Variants in GSTCD observed in about 807,000 individuals in gnomAD.
GSTCD encodes glutathione S-transferase C-terminal domain-containing protein.
In GSTCD, 44 loss-of-function variants were observed where a neutral mutation model predicts 68.3. That is an observed-to-expected ratio of 0.64 (90% CI 0.51 to 0.83). GSTCD has a LOEUF of 0.83. Among genes scored for constraint, GSTCD ranks in the 40% least tolerant of loss-of-function variants. The probability of loss-of-function intolerance (pLI) is 0.00; values close to 1 mark genes in which losing one functional copy is unlikely to be tolerated. For missense variants in GSTCD, 739 were observed against 735.9 expected, an observed-to-expected ratio of 1.00 and a Z score of -0.05; for synonymous variants, 273 against 255.2, an observed-to-expected ratio of 1.07 and a Z score of -0.67.
At chr4:105,844,326 C>T (rs1247526531) in intron 11 of GSTCD, among the ~76,000 whole-genome samples, 1 of 152,164 alleles carries the variant, frequency 6.6e-6, no homozygotes, top group Non-Finnish European at 1.5e-5. Context: ...ATGATTTTGC[C>T]TAAATGGAAT....
chr4:105,803,305 G>A (rs1316496679), intron 5 of GSTCD, among the ~76,000 whole-genome samples: 1 of 151,994 alleles, frequency 6.6e-6, no homozygotes, highest in Non-Finnish European at 1.5e-5. Flanking sequence ...ATTGAATGTA[G>A]AAAATGTTAA....
chr4:105,717,479 A>G (rs981380594), intron 1 of GSTCD, 114 bp from the exon 2 acceptor site: 81 of 674,422 alleles, frequency 1.2e-4, no homozygotes, highest in Non-Finnish European at 1.9e-4. Context: ...TAGCATTATT[A>G]TCTACTGCAA....
intron 5 of GSTCD, among the ~76,000 whole-genome samples, chr4:105,805,707 TA>T (rs2149264032): frequency 6.6e-6 from 1 of 152,224 alleles, no homozygotes; most frequent in African/African-American, 2.4e-5. Context: ...AGGAAGGGAT[TA>T]AAAAACTGGC....
chr4:105,732,135 G>A (rs2149214148), intron 5 of GSTCD, among the ~76,000 whole-genome samples: 1 of 152,326 alleles, frequency 6.6e-6, no homozygotes, highest in Non-Finnish European at 1.5e-5. Flanking sequence ...GTTCATCAGG[G>A]ATATTGGTCT....
At position 105,734,614 on chromosome 4, in the gene GSTCD, T is replaced by C. The variant is rs138915736; in HGVS notation, c.1240+5115T>C. On this transcript the variant is annotated intron_variant, in intron 5 of 11. Coordinates refer to ENST00000515279, the MANE Select transcript of GSTCD (RefSeq NM_001370181.1). ...TAATCTTTTTGCAACGTTTTTAGCT[T>C]CTTTGCAATGGGTTCCTCCTTTAGC... Among the ~76,000 whole-genome samples, 368 of 152,308 alleles carry C rather than the reference T, an allele frequency of 2.4e-3. 2 individuals are homozygous for C. The highest frequency in any genetic ancestry group is 8.2e-3 in the African/African-American group (342 of 41,566).
chr4:105,801,611 T>C (rs1056280625), intron 5 of GSTCD, among the ~76,000 whole-genome samples: 2 of 152,030 alleles, frequency 1.3e-5, no homozygotes, highest in African/African-American at 4.8e-5. Context: ...GTAACATGAC[T>C]TCTGTATAAA....
chr4:105,845,773 T>A lies in GSTCD; in HGVS notation c.*196T>A. The A allele has an allele frequency of 3.5e-6, 2 of 564,256 alleles. No homozygotes were observed. Among genetic ancestry groups the A allele is most frequent in the Non-Finnish European group, 6.3e-6 (2 of 318,678 alleles). 35.0% of individuals were successfully genotyped at this position (564,256 alleles called of 1,614,324 possible). ...TCACAAATGCTTTACAATGTGTGAT[T>A]AAAGGACTGCTGGTTTTTATAGTGA... On this transcript the variant is annotated 3_prime_UTR_variant, in exon 12 of 12. Transcript: ENST00000515279.
At chr4:105,817,493 G>GA (rs1454966159) in intron 5 of GSTCD, among the ~76,000 whole-genome samples, 2 of 151,846 alleles carry the variant, frequency 1.3e-5, no homozygotes, top group Non-Finnish European at 2.9e-5. Context: ...GTGAATGGGG[G>GA]AGAGTATCAG....
At chr4:105,764,351 A>G (rs142097963) in intron 5 of GSTCD, among the ~76,000 whole-genome samples, 29 of 152,304 alleles carry the variant, frequency 1.9e-4, no homozygotes, top group African/African-American at 6.7e-4. Context: ...ACTTATTTTA[A>G]ACTCTGTAAG....
intron 9 of GSTCD, among the ~76,000 whole-genome samples, chr4:105,835,430 G>T (rs1724073992): frequency 6.6e-6 from 1 of 152,154 alleles, no homozygotes; most frequent in Non-Finnish European, 1.5e-5. Flanking sequence ...GCATCTCCAG[G>T]CACCAGCTTG....
At chr4:105,733,090 G>A (rs770583149) in intron 5 of GSTCD, among the ~76,000 whole-genome samples, 2 of 152,182 alleles carry the variant, frequency 1.3e-5, no homozygotes, top group South Asian at 2.1e-4. Flanking sequence ...CATTTGCTGA[G>A]GAGTGCTTTA....
In GSTCD at chr4:105,846,953, C is replaced by T. The variant is rs1282032411; in HGVS notation, c.*1376C>T. The T allele has an allele frequency of 1.3e-5, 2 of 152,168 alleles. No homozygotes were observed. The highest frequency in any genetic ancestry group is 2.4e-5 in the African/African-American group (1 of 41,420). The allele number at this position is 152,168 out of a possible 1,614,324, so 9.4% of individuals were successfully genotyped here. On this transcript the variant is annotated 3_prime_UTR_variant, in exon 12 of 12. Transcript: ENST00000515279. ...AAATTACAGGCGTGAGCCACCTCAC[C>T]TGGCCATGTTCTTTATGGAATACTA...
At chr4:105,753,743 A>G (rs1196291464) in intron 5 of GSTCD, among the ~76,000 whole-genome samples, 1 of 152,076 alleles carries the variant, frequency 6.6e-6, no homozygotes, top group African/African-American at 2.4e-5. Context: ...TGTAGTTTAT[A>G]CATAAACTAT....
Position 105,846,040 on chromosome 4 carries a change from T to A in GSTCD, c.*463T>A, listed in dbSNP as rs1350912785. The A allele has an allele frequency of 6.3e-6, 1 of 158,018 alleles. No homozygotes were observed. Among genetic ancestry groups the A allele is most frequent in the Non-Finnish European group, 1.4e-5 (1 of 71,052 alleles). 9.8% of individuals were successfully genotyped at this position (158,018 alleles called of 1,614,324 possible). A position where few individuals can be genotyped will look rare whatever the true frequency, so the allele number is the denominator to read the frequency against. On this transcript the variant is annotated 3_prime_UTR_variant, in exon 12 of 12. Transcript: ENST00000515279. ...AACAATTGTACTTTTTCTATCACTTTAAAAAAATCTAGTCAGGTAATTATA... is the reference window on the plus strand; with the variant it reads ...AACAATTGTACTTTTTCTATCACTTAAAAAAAATCTAGTCAGGTAATTATA...
chr4:105,749,187 T>TAAAATGC (rs1733919213), intron 5 of GSTCD, among the ~76,000 whole-genome samples: 5 of 150,356 alleles, frequency 3.3e-5, no homozygotes, highest in Non-Finnish European at 7.4e-5. Flanking sequence ...AAAAGAAACG[T>TAAAATGC]AAAATGCACA....
chr4:105,725,753 A>G (rs567568558), intron 3 of GSTCD, among the ~76,000 whole-genome samples: 4 of 152,266 alleles, frequency 2.6e-5, no homozygotes, highest in Non-Finnish European at 5.9e-5. Context: ...ACTAAAGAAG[A>G]TACACAAATG....
intron 8 of GSTCD, among the ~76,000 whole-genome samples, chr4:105,833,547 A>G (rs1723986427): frequency 1.3e-5 from 2 of 152,240 alleles, no homozygotes; most frequent in Admixed American, 1.3e-4. Context: ...TTGGTGAGGG[A>G]AGATTATAAT....
intron 5 of GSTCD, among the ~76,000 whole-genome samples, chr4:105,748,911 C>A (rs2149225291): frequency 6.6e-6 from 1 of 151,852 alleles, no homozygotes; most frequent in Non-Finnish European, 1.5e-5. Context: ...ATTAAACATT[C>A]CTTATATTAA....
At chr4:105,749,827 A>T (rs1464900955) in intron 5 of GSTCD, among the ~76,000 whole-genome samples, 1 of 152,216 alleles carries the variant, frequency 6.6e-6, no homozygotes, top group Non-Finnish European at 1.5e-5. Context: ...GGACTTCATC[A>T]AAATTAAAAA....
Sources: allele counts gnomAD v4.1 joint callset (sites outside exome capture counted in the v4.1 genomes callset), GRCh38; gene constraint gnomAD v4.1.1; transcripts MANE v1.5; gene names NCBI Gene and HGNC (gene_info 2026-07-23, HGNC 2026-07-21).